AHNAK: variants seen among roughly 807,000 people sequenced by gnomAD.
The protein encoded by AHNAK is AHNAK nucleoprotein.
In AHNAK, 23 loss-of-function variants were observed where a neutral mutation model predicts 37.8. The observed-to-expected ratio is 0.61, with a 90% CI of 0.44 to 0.86. AHNAK has a LOEUF of 0.86. AHNAK is among the 40% of genes least tolerant of loss of function. The pLI, the probability that AHNAK is intolerant of heterozygous loss-of-function variation, is 0.00. For synonymous variants in AHNAK, 2,481 were observed against 2,636.3 expected (o/e 0.94, Z 1.80); for missense variants, 7,411 against 7,319.4 (o/e 1.01, Z -0.46).
intron 4 of AHNAK, among the ~76,000 whole-genome samples, chr11:62,498,435 T>C (rs1244622783): frequency 6.6e-6 from 1 of 151,600 alleles, no homozygotes; most frequent in East Asian, 1.9e-4. Flanking sequence ...ATAGTGTAAT[T>C]ATAATTACAC....
Position 62,520,667 on chromosome 11 carries a change from G to A in AHNAK, c.13750C>T (p.Pro4584Ser), listed in dbSNP as rs147093523. 6.9e-5 allele frequency: 112 copies of A among 1,613,928 alleles called. No homozygotes were observed. Among genetic ancestry groups the A allele is most frequent in the Non-Finnish European group, 5.8e-5 (69 of 1,180,038 alleles). The change falls in exon 5 of 5, where the codon CCT becomes TCT. Residue 4584 changes from proline (P) to serine (S), a missense_variant. Pro to Ser is a moderately conservative substitution (Grantham distance 74). Transcript: ENST00000378024. ...TTCGGTGCCTTGAGGTGTAAGTCAG[G>A]CATTTTAAATTTGGGGCCCTTCAGT... is the stretch of plus-strand genomic sequence containing the variant. ...GKLKGPKFKM[P>S]DLHLKAPKIS... is the part of the protein sequence containing the mutation.
chr11:62,462,813 A>G (rs1357633643), intron 5 of AHNAK, among the ~76,000 whole-genome samples: 2 of 152,108 alleles, frequency 1.3e-5, no homozygotes, highest in African/African-American at 4.8e-5. Flanking sequence ...AGGATGGAGG[A>G]GCTTTGTTAA....
Position 62,527,697 on chromosome 11 carries a change from G to T in AHNAK, c.6720C>A (p.His2240Gln), listed in dbSNP as rs1239495063. 1.9e-6 allele frequency: 3 copies of T among 1,613,942 alleles called. No individual in the cohort carries two copies. Residue 2240 changes from histidine (H) to glutamine (Q), a missense_variant, in exon 5 of 5, where the codon CAC (histidine) becomes CAA (glutamine). Coordinates refer to ENST00000378024, the MANE Select transcript of AHNAK (RefSeq NM_001620.3). ...PDVDVHGPDW[H>Q]LKMPKMKMPK... Reference sequence around the variant, plus strand: ...GCATTTTCATCTTAGGCATCTTCAGGTGCCAGTCTGGGCCATGAACATCCA... The same window carrying T: ...GCATTTTCATCTTAGGCATCTTCAGTTGCCAGTCTGGGCCATGAACATCCA...
rs754935680 is a variant in AHNAK, at chr11:62,530,765, G to A, written c.3652C>T (p.Pro1218Ser). 2 of 1,613,342 alleles carry A rather than the reference G, an allele frequency of 1.2e-6. No individual in the cohort carries two copies. Among genetic ancestry groups the A allele is most frequent in the Non-Finnish European group, 8.5e-7 (1 of 1,179,896 alleles). ...ACTTTCATTTCACCTTCTACCTTGG[G>A]CACAGACACATCCACATCCCCTTTG... ...KVKGDVDVSV[P>S]KVEGEMKVPD... The change falls in exon 5 of 5, where the codon CCC (proline) becomes TCC (serine). Residue 1218 changes from proline (P) to serine (S), a missense_variant. By Grantham distance (74) the Pro-to-Ser change is moderately conservative (BLOSUM62 -1). Transcript: ENST00000378024.
intron 5 of AHNAK, among the ~76,000 whole-genome samples, chr11:62,454,694 G>A (rs141828230): frequency 0.021 from 3,161 of 152,100 alleles, 41 homozygotes; most frequent in Non-Finnish European, 0.032. Flanking sequence ...AGATCTGCCA[G>A]GGCGATGGGG....
intron 1 of AHNAK, among the ~76,000 whole-genome samples, chr11:62,542,927 T>C (rs1200404301): frequency 6.6e-6 from 1 of 152,154 alleles, no homozygotes; most frequent in Admixed American, 6.5e-5. Flanking sequence ...AGGGCGCTGC[T>C]TGCTCTCCCC....
intron 5 of AHNAK, among the ~76,000 whole-genome samples, chr11:62,460,781 G>C (rs977913279): frequency 6.6e-6 from 1 of 151,954 alleles, no homozygotes; most frequent in African/African-American, 2.4e-5. Flanking sequence ...TCCTGGAGAC[G>C]AGGTGGCTGT....
At chr11:62,470,370 C>T (rs1285873636) in intron 5 of AHNAK, among the ~76,000 whole-genome samples, 3 of 151,798 alleles carry the variant, frequency 2.0e-5, no homozygotes, top group Admixed American at 6.6e-5. Flanking sequence ...CGCTTGAACC[C>T]GGGAGGTGGA....
At chr11:62,483,597 G>A (rs1384806502) in intron 5 of AHNAK, among the ~76,000 whole-genome samples, 1 of 151,528 alleles carries the variant, frequency 6.6e-6, no homozygotes, top group African/African-American at 2.4e-5. Context: ...GGTGGCTCAC[G>A]CCTGTAATCC....
At chr11:62,450,593 T>A (rs1174585346) in intron 5 of AHNAK, among the ~76,000 whole-genome samples, 2 of 152,232 alleles carry the variant, frequency 1.3e-5, no homozygotes, top group African/African-American at 2.4e-5. Flanking sequence ...CCATGCAAAC[T>A]ACAGCTCCAG....
At chr11:62,474,332 A>C (rs545850607) in intron 5 of AHNAK, among the ~76,000 whole-genome samples, 1 of 151,798 alleles carries the variant, frequency 6.6e-6, no homozygotes, top group Non-Finnish European at 1.5e-5. Flanking sequence ...TTACAGGTGC[A>C]TGCCACCACG....
downstream of AHNAK, among the ~76,000 whole-genome samples, chr11:62,513,837 CCACT>C (rs1285235933): frequency 6.6e-6 from 1 of 152,168 alleles, no homozygotes; most frequent in Non-Finnish European, 1.5e-5. Context: ...TACCCACCAC[CCACT>C]GACTGTCCCA....
chr11:62,517,445 A>C lies in AHNAK; in HGVS notation c.16972T>G (p.Phe5658Val). The change falls in exon 5 of 5, where the codon TTC becomes GTC. Residue 5658 changes from phenylalanine (F) to valine (V), a missense_variant. Transcript: ENST00000378024. Reference sequence around the variant, plus strand: ...AATTTGGGGATCTTCATTTTAGGGAATGTTACTTTTCCAGATCCACTTTCC... The same window carrying C: ...AATTTGGGGATCTTCATTTTAGGGACTGTTACTTTTCCAGATCCACTTTCC... ...HLESGSGKVT[F>V]PKMKIPKFTF... 1 of 1,614,104 alleles carries C rather than the reference A, an allele frequency of 6.2e-7. No individual in the cohort carries two copies. The highest frequency in any genetic ancestry group is 8.5e-7 in the Non-Finnish European group (1 of 1,180,036).
rs761657205 is a variant in AHNAK at position 62,532,798 on chromosome 11, C to G, written c.1619G>C (p.Arg540Thr). The change falls in exon 5 of 5, where the codon AGA becomes ACA. Residue 540 changes from arginine to threonine, a missense_variant. Coordinates refer to ENST00000378024, the MANE Select transcript of AHNAK (RefSeq NM_001620.3). ...TAGGTTTGGTGTCTCTATGTCCACT[C>G]TGGAGCCTTTAAGTGCCACTTGAGG... ...KGPQVALKGS[R>T]VDIETPNLEG... is the part of the protein sequence containing the mutation. The G allele has an allele frequency of 6.2e-7, 1 of 1,613,988 alleles. No individual in the cohort carries two copies. The highest frequency in any genetic ancestry group is 1.3e-5 in the African/African-American group (1 of 74,888).
At chr11:62,513,258 C>T (rs940864164), downstream of AHNAK, among the ~76,000 whole-genome samples, 1 of 152,124 alleles carries the variant, frequency 6.6e-6, no homozygotes, top group African/African-American at 2.4e-5. Flanking sequence ...GGGGATAGGC[C>T]GGGCGCCATG....
intron 5 of AHNAK, among the ~76,000 whole-genome samples, chr11:62,456,377 T>C (rs144585072): frequency 2.6e-5 from 4 of 152,316 alleles, no homozygotes; most frequent in Admixed American, 6.5e-5. Context: ...TGCTAGGCGG[T>C]CTTTATGCTT....
At chr11:62,514,475 G>C (rs1421859745), downstream of AHNAK, among the ~76,000 whole-genome samples, 2 of 152,234 alleles carry the variant, frequency 1.3e-5, no homozygotes, top group African/African-American at 2.4e-5. Context: ...GTGTAGCCCA[G>C]TGCAGCAGGG....
At chr11:62,473,304 G>A (rs1411024198) in intron 5 of AHNAK, among the ~76,000 whole-genome samples, 1 of 146,592 alleles carries the variant, frequency 6.8e-6, no homozygotes, top group African/African-American at 2.5e-5. Flanking sequence ...GGCTGAGGCA[G>A]GAGAATCGCT....
chr11:62,543,856 T>C (rs1434023266), intron 1 of AHNAK, among the ~76,000 whole-genome samples: 1 of 152,206 alleles, frequency 6.6e-6, no homozygotes. Flanking sequence ...AACCTAAGCG[T>C]GCACAGCACG....
Sources: gnomAD v4.1 joint callset for allele counts (sites outside exome capture counted in the v4.1 genomes callset) on GRCh38, gnomAD v4.1.1 for gene constraint, MANE v1.5 for transcripts, NCBI Gene and HGNC (gene_info 2026-07-23, HGNC 2026-07-21) for gene names.